SLC71A1: variants seen among roughly 807,000 people sequenced by gnomAD.
SLC71A1 encodes the protein hippocampus abundant gene transcript 1.
At chr1:100,058,860 T>C in the SLC71A1 span, 2 of 485,062 alleles carry the variant, frequency 4.1e-6, no homozygotes, top group East Asian at 6.9e-5. Flanking sequence ...ACTTAATTTT[T>C]ATAATTAGAT....
the SLC71A1 span, among the ~76,000 whole-genome samples, chr1:100,069,026 G>A: frequency 2.0e-5 from 3 of 152,036 alleles, no homozygotes; most frequent in Admixed American, 6.6e-5. Flanking sequence ...ATATTATTTG[G>A]TCTACTAGAC....
At chr1:100,051,938 C>T in the SLC71A1 span, among the ~76,000 whole-genome samples, 1 of 152,126 alleles carries the variant, frequency 6.6e-6, no homozygotes, top group Non-Finnish European at 1.5e-5. Flanking sequence ...GAGATATTAG[C>T]CTCATAATAC....
the SLC71A1 span, among the ~76,000 whole-genome samples, chr1:100,045,374 A>G: frequency 2.6e-5 from 4 of 152,218 alleles, no homozygotes; most frequent in East Asian, 1.9e-4. Context: ...TGAATCGTTT[A>G]TCAGATCTCG....
At chr1:100,068,611 G>A in the SLC71A1 span, 4 of 1,288,128 alleles carry the variant, frequency 3.1e-6, no homozygotes, top group Admixed American at 7.1e-5. Flanking sequence ...CACTAAGGTG[G>A]ACTTTTCTTT....
At chr1:100,061,785 T>G in the SLC71A1 span, 13 of 1,143,122 alleles carry the variant, frequency 1.1e-5, no homozygotes, top group Non-Finnish European at 1.6e-5. Flanking sequence ...GAAAGAAGAT[T>G]AAAACAATGG....
At chr1:100,057,800 TTTC>T in the SLC71A1 span, among the ~76,000 whole-genome samples, 3 of 152,226 alleles carry the variant, frequency 2.0e-5, no homozygotes, top group African/African-American at 7.2e-5. Context: ...TAGCATAATG[TTTC>T]TTCTTAAAGG....
the SLC71A1 span, among the ~76,000 whole-genome samples, chr1:100,050,743 A>G: frequency 9.3e-4 from 142 of 152,310 alleles, no homozygotes; most frequent in Non-Finnish European, 1.7e-3. Context: ...CATTTACAGT[A>G]CATATTTCTT....
At chr1:100,048,605 T>C in the SLC71A1 span, among the ~76,000 whole-genome samples, 35 of 152,356 alleles carry the variant, frequency 2.3e-4, no homozygotes, top group Middle Eastern at 3.4e-3. Context: ...TCTCCTGATA[T>C]TTTCTTACTG....
At chr1:100,082,101 C>G in the SLC71A1 span, 1 of 1,614,130 alleles carries the variant, frequency 6.2e-7, no homozygotes, top group South Asian at 1.1e-5. Context: ...CCAATTTAAG[C>G]TTAAGGTCCA....
chr1:100,059,904 G>T, the SLC71A1 span: 1 of 1,611,508 alleles, frequency 6.2e-7, no homozygotes, highest in South Asian at 1.1e-5. Context: ...TTAGTGCCCC[G>T]CTTATTGGTG....
the SLC71A1 span, among the ~76,000 whole-genome samples, chr1:100,076,450 T>C: frequency 6.6e-6 from 1 of 152,212 alleles, no homozygotes; most frequent in Non-Finnish European, 1.5e-5. Flanking sequence ...ACTGATAATA[T>C]TGTTTATTAA....
At chr1:100,067,943 T>C in the SLC71A1 span, 1 of 1,576,976 alleles carries the variant, frequency 6.3e-7, no homozygotes, top group Non-Finnish European at 8.7e-7. Flanking sequence ...AAAAGTAGCC[T>C]GACTAATCTC....
the SLC71A1 span, among the ~76,000 whole-genome samples, chr1:100,040,240 T>A: frequency 6.6e-6 from 1 of 152,242 alleles, no homozygotes; most frequent in South Asian, 2.1e-4. Flanking sequence ...ACTAGCACAT[T>A]CCTAGATGAA....
the SLC71A1 span, chr1:100,049,918 A>G: frequency 1.3e-6 from 2 of 1,588,776 alleles, no homozygotes; most frequent in Non-Finnish European, 1.7e-6. Flanking sequence ...GCCTCAAGGA[A>G]TAGGTTCTCC....
the SLC71A1 span, among the ~76,000 whole-genome samples, chr1:100,061,262 G>C: frequency 6.6e-6 from 1 of 152,058 alleles, no homozygotes; most frequent in African/African-American, 2.4e-5. Context: ...TAAATATTTT[G>C]TTCACTGTTT....
chr1:100,052,424 C>CT, the SLC71A1 span, among the ~76,000 whole-genome samples: 3,365 of 119,604 alleles, frequency 0.028, 104 homozygotes, highest in Non-Finnish European at 0.034. Context: ...TAATATATTC[C>CT]TTTTTTTTTT....
the SLC71A1 span, among the ~76,000 whole-genome samples, chr1:100,050,846 G>A: frequency 1.3e-5 from 2 of 152,022 alleles, no homozygotes; most frequent in Admixed American, 6.6e-5. Context: ...CAGCATTTTG[G>A]GAGGCTGGGT....
chr1:100,077,017 G>T, the SLC71A1 span: 11 of 569,598 alleles, frequency 1.9e-5, no homozygotes. Flanking sequence ...TATGTGACCT[G>T]GACTAGTGAT....
chr1:100,054,643 C>T, the SLC71A1 span, among the ~76,000 whole-genome samples: 430 of 152,190 alleles, frequency 2.8e-3, 3 homozygotes, highest in African/African-American at 1.0e-2. Context: ...TAGATGGTTT[C>T]GTGTCCTTGG....
Sources: allele counts gnomAD v4.1 joint callset (sites outside exome capture counted in the v4.1 genomes callset), GRCh38; gene constraint gnomAD v4.1.1; transcripts MANE v1.5; gene names NCBI Gene and HGNC (gene_info 2026-07-23, HGNC 2026-07-21).